VSIG10: variants seen among roughly 807,000 people sequenced by gnomAD.
VSIG10 encodes V-set and immunoglobulin domain containing 10.
Under a neutral mutation model 58.7 loss-of-function variants are expected in VSIG10, and 48 were observed. The ratio of observed to expected loss-of-function variants is 0.82; its 90% CI spans 0.65 to 1.04. VSIG10 has a LOEUF of 1.04. VSIG10 is among the 50% of genes least tolerant of loss of function. The pLI, the probability that VSIG10 is intolerant of heterozygous loss-of-function variation, is 0.00. For missense variants in VSIG10, 628 were observed against 670.0 expected, an observed-to-expected ratio of 0.94 and a Z score of 0.69; for synonymous variants, 260 against 267.1, an observed-to-expected ratio of 0.97 and a Z score of 0.26.
Position 118,073,969 on chromosome 12 carries a change from G to T in VSIG10, c.949C>A (p.Pro317Thr), listed in dbSNP as rs779176372. ...QIRGPSLLSEPMKTCFTGGNV... is the reference protein window; with the variant it reads ...QIRGPSLLSETMKTCFTGGNV... Reference sequence around the variant, plus strand: ...CCCCCAGTGAAGCAAGTCTTCATGGGCTCAGAGAGAAGGGAGGGACCCCCT... The same window carrying T: ...CCCCCAGTGAAGCAAGTCTTCATGGTCTCAGAGAGAAGGGAGGGACCCCCT... The change falls in exon 5 of 9, where the codon CCC (proline) becomes ACC (threonine). Residue 317 changes from proline to threonine, a missense_variant. Physicochemically the swap from Pro to Thr is conservative, Grantham distance 38. Coordinates refer to ENST00000359236, the MANE Select transcript of VSIG10 (RefSeq NM_019086.6). The T allele has an allele frequency of 6.3e-7, 1 of 1,579,442 alleles. No individual in the cohort carries two copies. Among genetic ancestry groups the T allele is most frequent in the Non-Finnish European group, 8.6e-7 (1 of 1,160,970 alleles).
At chr12:118,093,759 A>G (rs1268923991) in intron 2 of VSIG10, among the ~76,000 whole-genome samples, 1 of 151,814 alleles carries the variant, frequency 6.6e-6, no homozygotes. Context: ...AAATACAAAA[A>G]TTAGCCGGGA....
At chr12:118,076,083 G>C (rs2137872662) in intron 4 of VSIG10, among the ~76,000 whole-genome samples, 1 of 152,280 alleles carries the variant, frequency 6.6e-6, no homozygotes, top group South Asian at 2.1e-4. Context: ...GATTTCAAGG[G>C]GACAAGAGGG....
At chr12:118,073,265 T>C (rs924222950) in intron 5 of VSIG10, among the ~76,000 whole-genome samples, 1 of 152,206 alleles carries the variant, frequency 6.6e-6, no homozygotes, top group African/African-American at 2.4e-5. Flanking sequence ...CCTCAAGTGA[T>C]CCACCCGCCT....
At chr12:118,099,691 T>C (rs369914253) in intron 1 of VSIG10, among the ~76,000 whole-genome samples, 5 of 152,214 alleles carry the variant, frequency 3.3e-5, no homozygotes, top group Non-Finnish European at 5.9e-5. Context: ...CCCTGGGTGG[T>C]ACACTTAAAA....
At position 118,067,083 on chromosome 12, in the gene VSIG10, G is replaced by A. The variant is rs141911254; in HGVS notation, c.1568-389C>T. 8.1e-3 allele frequency among the ~76,000 whole-genome samples: 1,229 copies of A among 152,226 alleles called. 14 individuals carry two copies. Among genetic ancestry groups the A allele is most frequent in the Middle Eastern group, 0.017 (5 of 294 alleles). ...GAGGTCCTATAAATTTTGGTGCAGT[G>A]GCACGATCTCATCTCACTGCAGCCT... On this transcript the variant is annotated intron_variant, in intron 8 of 8. Coordinates refer to ENST00000359236, the MANE Select transcript of VSIG10 (RefSeq NM_019086.6).
At chr12:118,084,206 C>T (rs2033051974) in intron 2 of VSIG10, among the ~76,000 whole-genome samples, 1 of 152,166 alleles carries the variant, frequency 6.6e-6, no homozygotes, top group Non-Finnish European at 1.5e-5. Flanking sequence ...CTTTGCTGTC[C>T]TCTTTGACAT....
chr12:118,081,832 C>T (rs2032959144), intron 3 of VSIG10, among the ~76,000 whole-genome samples: 1 of 152,132 alleles, frequency 6.6e-6, no homozygotes. Context: ...GCCTGACCAA[C>T]ATGGAGAAAC....
rs1303756454 is a variant in VSIG10, at chr12:118,068,501, C to CTCTCTCTCACG, written c.1442_1443insCGTGAGAGAGA (p.Gln481HisfsTer27). 2.5e-6 allele frequency: 4 copies of CTCTCTCTCACG among 1,612,344 alleles called. No homozygotes were observed. The highest frequency in any genetic ancestry group is 2.5e-6 in the Non-Finnish European group (3 of 1,179,672). On this transcript the variant is annotated frameshift_variant, in exon 8 of 9. Transcript: ENST00000359236. LOFTEE classifies it high-confidence loss of function. ...ACTCCTCTCTCTCACGTGCTCCCTC[C>CTCTCTCTCACG]TGTTCCCCTACTGCAGCATCTTCCT...
At chr12:118,099,245 CTG>C (rs1555275613) in intron 1 of VSIG10, among the ~76,000 whole-genome samples, 2 of 151,272 alleles carry the variant, frequency 1.3e-5, no homozygotes, top group Non-Finnish European at 2.9e-5. Context: ...CAGAGATACC[CTG>C]TCTCTCTTTT....
intron 3 of VSIG10, among the ~76,000 whole-genome samples, chr12:118,080,014 A>T (rs550112107): frequency 6.6e-6 from 1 of 152,268 alleles, no homozygotes; most frequent in South Asian, 2.1e-4. Flanking sequence ...TTATATTTTT[A>T]GTAGAGACAA....
rs777159288 is a variant in VSIG10 at position 118,068,400 on chromosome 12, C to T, written c.1544G>A (p.Gly515Glu). ...ALVNGNIEQM[G>E]NGFQDLQDDS... ...ACCTTGAAGATCCTGGAATCCATTT[C>T]CCATCTGTTCTATGTTCCCATTCAC... Residue 515 changes from glycine to glutamate, a missense_variant, in exon 8 of 9, where the codon GGA (glycine) becomes GAA (glutamate). Transcript: ENST00000359236. 15 of 1,613,320 alleles carry T rather than the reference C, an allele frequency of 9.3e-6. No homozygotes were observed. Among genetic ancestry groups the T allele is most frequent in the Non-Finnish European group, 8.5e-7 (1 of 1,179,688 alleles).
At chr12:118,078,169 C>CT (rs2032799541) in intron 4 of VSIG10, among the ~76,000 whole-genome samples, 1 of 151,990 alleles carries the variant, frequency 6.6e-6, no homozygotes, top group Non-Finnish European at 1.5e-5. Context: ...TCACTATTTT[C>CT]TTTTTTTGAG....
intron 4 of VSIG10, among the ~76,000 whole-genome samples, chr12:118,075,067 A>G (rs2032657856): frequency 6.6e-6 from 1 of 150,610 alleles, no homozygotes; most frequent in South Asian, 2.1e-4. Flanking sequence ...GTATTTATGT[A>G]TAAGAAAAAG....
intron 3 of VSIG10, among the ~76,000 whole-genome samples, chr12:118,080,067 C>T (rs1178716928): frequency 6.6e-6 from 1 of 152,236 alleles, no homozygotes; most frequent in Non-Finnish European, 1.5e-5. Context: ...CGCCTGACTT[C>T]AGGTGATCCA....
chr12:118,098,046 A>T (rs1019593442), intron 1 of VSIG10, among the ~76,000 whole-genome samples: 2 of 152,166 alleles, frequency 1.3e-5, no homozygotes, highest in Admixed American at 1.3e-4. Context: ...AGAGCCCCCT[A>T]ACCAACCACC....
At chr12:118,100,808 CG>C (rs1490559281) in intron 1 of VSIG10, among the ~76,000 whole-genome samples, 30 of 152,122 alleles carry the variant, frequency 2.0e-4, no homozygotes, top group African/African-American at 7.0e-4. Flanking sequence ...GGATTACAGG[CG>C]GGAGCCACCG....
chr12:118,098,839 C>T (rs903005500), intron 1 of VSIG10, among the ~76,000 whole-genome samples: 2 of 151,794 alleles, frequency 1.3e-5, no homozygotes, highest in Non-Finnish European at 2.9e-5. Context: ...TCAGAAACTG[C>T]GGGAGAGCAG....
At chr12:118,083,918 C>T (rs190697051) in intron 2 of VSIG10, among the ~76,000 whole-genome samples, 49 of 151,438 alleles carry the variant, frequency 3.2e-4, no homozygotes, top group African/African-American at 1.1e-3. Flanking sequence ...CCCAGGAGTT[C>T]GAGACCAGCC....
In VSIG10 at chr12:118,095,069, A is replaced by C. The variant is rs550400971; in HGVS notation, c.361+464T>G. On this transcript the variant is annotated intron_variant, in intron 2 of 8. Coordinates refer to ENST00000359236, the MANE Select transcript of VSIG10 (RefSeq NM_019086.6). ...CAGGTGCGCGCCACCACGCTCAGCT[A>C]ATTTTTTATATTTTTAATAGAGATG... Among the ~76,000 whole-genome samples, 7 of 152,162 alleles carry C rather than the reference A, an allele frequency of 4.6e-5. No homozygotes were observed. The East Asian group carries it at 1.4e-3, about 30-fold the overall frequency.
Sources: gnomAD v4.1 joint callset for allele counts (sites outside exome capture counted in the v4.1 genomes callset) on GRCh38, gnomAD v4.1.1 for gene constraint, MANE v1.5 for transcripts, NCBI Gene and HGNC (gene_info 2026-07-23, HGNC 2026-07-21) for gene names.